The following ASCC3 variants were observed in gnomAD, a reference collection of about 807,000 sequenced individuals.
ASCC3 encodes the protein activating signal cointegrator 1 complex subunit 3, also known as ASC-1 complex subunit P200.
A neutral mutation model predicts 256.3 loss-of-function variants in ASCC3; 158 were observed. That is an observed-to-expected ratio of 0.62 (90% confidence interval 0.54 to 0.70). The LOEUF (loss-of-function observed/expected upper bound fraction) is 0.70, where lower values mean the gene tolerates loss of function less well. Among genes scored for constraint, ASCC3 ranks in the 30% least tolerant of loss-of-function variants. The probability of loss-of-function intolerance (pLI) is 0.00; values close to 1 mark genes in which losing one functional copy is unlikely to be tolerated. For synonymous variants in ASCC3, 948 were observed against 883.4 expected, an observed-to-expected ratio of 1.07 and a Z score of -1.30; for missense variants, 2,259 against 2,626.0, an observed-to-expected ratio of 0.86 and a Z score of 3.05.
At chr6:100,513,841 A>G (rs1188973927) in intron 39 of ASCC3, among the ~76,000 whole-genome samples, 3 of 152,168 alleles carry the variant, frequency 2.0e-5, no homozygotes, top group East Asian at 3.9e-4. Context: ...ACTTGAGGTC[A>G]TCTTTTTCTA....
At chr6:100,628,103 CA>C (rs199967544) in intron 27 of ASCC3, 116 bp from the exon 28 acceptor site, 300 of 935,596 alleles carry the variant, frequency 3.2e-4, no homozygotes, top group Middle Eastern at 4.8e-4. Context: ...AAAAAAAAAA[CA>C]AAAAAAAAGC....
At chr6:100,815,964 G>A (rs1225129918) in intron 4 of ASCC3, among the ~76,000 whole-genome samples, 2 of 151,630 alleles carry the variant, frequency 1.3e-5, no homozygotes, top group Non-Finnish European at 2.9e-5. Context: ...CTATCAACAG[G>A]GTAAACAGAT....
At chr6:100,629,973 C>A (rs970693793) in intron 26 of ASCC3, among the ~76,000 whole-genome samples, 1 of 152,014 alleles carries the variant, frequency 6.6e-6, no homozygotes, top group Non-Finnish European at 1.5e-5. Flanking sequence ...TCTCAGCTCA[C>A]TGCAACCTCC....
intron 4 of ASCC3, among the ~76,000 whole-genome samples, chr6:100,816,835 C>T (rs1342381141): frequency 1.3e-5 from 2 of 151,550 alleles, no homozygotes; most frequent in South Asian, 2.1e-4. Context: ...TGAAATAATC[C>T]GTACAACAAA....
intron 36 of ASCC3, among the ~76,000 whole-genome samples, chr6:100,550,188 T>A (rs1339654465): frequency 6.6e-6 from 1 of 151,928 alleles, no homozygotes; most frequent in Non-Finnish European, 1.5e-5. Context: ...TTATTCACAT[T>A]TTATGTTTCT....
At chr6:100,572,709 A>T (rs1371378998) in intron 36 of ASCC3, among the ~76,000 whole-genome samples, 2 of 152,128 alleles carry the variant, frequency 1.3e-5, no homozygotes, top group Admixed American at 6.6e-5. Flanking sequence ...ATTTACAAAA[A>T]TTTTTGTCCT....
At chr6:100,854,558 A>G (rs1210519565) in intron 3 of ASCC3, among the ~76,000 whole-genome samples, 1 of 152,230 alleles carries the variant, frequency 6.6e-6, no homozygotes, top group Admixed American at 6.5e-5. Flanking sequence ...GTAGTAGTAC[A>G]AAAGATTAAA....
rs118151585 is a variant in ASCC3 at position 100,758,838 on chromosome 6, A to G, written c.1737+7727T>C. 9.0e-3 allele frequency among the ~76,000 whole-genome samples: 1,376 copies of G among 152,262 alleles called. 12 individuals carry two copies. The highest frequency in any genetic ancestry group is 0.025 in the Admixed American group (385 of 15,284). On this transcript the variant is annotated intron_variant, in intron 10 of 41. Transcript: ENST00000369162. ...ATCATACTGTCTTCCACAATGGCTGAACTAATTTAATTCCCACCAACAGCG... is the reference window on the plus strand; with the variant it reads ...ATCATACTGTCTTCCACAATGGCTGGACTAATTTAATTCCCACCAACAGCG...
At chr6:100,816,224 G>A (rs1770738541) in intron 4 of ASCC3, among the ~76,000 whole-genome samples, 1 of 152,130 alleles carries the variant, frequency 6.6e-6, no homozygotes, top group South Asian at 2.1e-4. Context: ...TCTCACATCA[G>A]TCAGAATGGC....
chr6:100,543,900 T>C (rs1294458090), intron 36 of ASCC3, among the ~76,000 whole-genome samples: 1 of 152,156 alleles, frequency 6.6e-6, no homozygotes, highest in African/African-American at 2.4e-5. Flanking sequence ...AAGAGTTGAA[T>C]ATATTTATTC....
chr6:100,770,865 C>G (rs1368500464), intron 8 of ASCC3, among the ~76,000 whole-genome samples: 1 of 144,274 alleles, frequency 6.9e-6, no homozygotes, highest in Non-Finnish European at 1.5e-5. Flanking sequence ...TTTTCCCAAA[C>G]TCATCTACAG....
In ASCC3 at chr6:100,642,678, G is replaced by A. The variant is rs557810774; in HGVS notation, c.3804C>T (p.Tyr1268=). The A allele has an allele frequency of 9.3e-6, 15 of 1,613,758 alleles. No homozygotes were observed. Among genetic ancestry groups the A allele is most frequent in the Non-Finnish European group, 1.3e-5 (15 of 1,179,810 alleles). The change falls in exon 24 of 42, where the codon TAC becomes TAT. Residue 1268 remains tyrosine, a synonymous_variant. Coordinates refer to ENST00000369162, the MANE Select transcript of ASCC3 (RefSeq NM_006828.4). The part of the protein sequence containing the change: ...PIFEPLPSQY[Y]IRAVSDRWLG... ...ACCATCTATCAGACACTGCTCGGAT[G>A]TAGTATTGGGAAGGCAAAGGCTCAA...
chr6:100,585,928 C>T (rs564378509), intron 36 of ASCC3, among the ~76,000 whole-genome samples: 41 of 152,248 alleles, frequency 2.7e-4, no homozygotes, highest in African/African-American at 9.1e-4. Context: ...GCTGTCTGAT[C>T]TTTCTTCTGG....
chr6:100,809,393 A>C (rs1770350077), intron 4 of ASCC3, among the ~76,000 whole-genome samples: 1 of 152,006 alleles, frequency 6.6e-6, no homozygotes, highest in Non-Finnish European at 1.5e-5. Context: ...TGTTAATTAA[A>C]ACTTCACACA....
chr6:100,798,996 CAA>C (rs66480968), intron 7 of ASCC3, among the ~76,000 whole-genome samples, 158 bp from the exon 8 acceptor site: 83,229 of 151,666 alleles, frequency 0.55, 23,203 homozygotes, highest in South Asian at 0.75. Flanking sequence ...TTAAATAAAA[CAA>C]AAACAAATGC....
At chr6:100,736,082 A>C (rs1780144850) in intron 10 of ASCC3, among the ~76,000 whole-genome samples, 1 of 152,210 alleles carries the variant, frequency 6.6e-6, no homozygotes, top group African/African-American at 2.4e-5. Context: ...TGACACATGG[A>C]ACATACTCCA....
intron 4 of ASCC3, among the ~76,000 whole-genome samples, chr6:100,829,545 GC>G (rs1771514061): frequency 6.6e-6 from 1 of 152,026 alleles, no homozygotes; most frequent in African/African-American, 2.4e-5. Flanking sequence ...ACCGCGTGCA[GC>G]CCTGGTTCCC....
intron 36 of ASCC3, among the ~76,000 whole-genome samples, chr6:100,560,584 C>T (rs1769880849): frequency 6.6e-6 from 1 of 152,032 alleles, no homozygotes; most frequent in Non-Finnish European, 1.5e-5. Flanking sequence ...CCCTCTCAGT[C>T]CACTAGAAAA....
chr6:100,765,931 T>C (rs772562269), intron 10 of ASCC3, among the ~76,000 whole-genome samples: 8 of 152,318 alleles, frequency 5.3e-5, no homozygotes, highest in Non-Finnish European at 8.8e-5. Context: ...TCCACTATTT[T>C]ATTTTTTTAA....
Sources: gnomAD v4.1 joint callset for allele counts (sites outside exome capture counted in the v4.1 genomes callset) on GRCh38, gnomAD v4.1.1 for gene constraint, MANE v1.5 for transcripts, NCBI Gene and HGNC (gene_info 2026-07-23, HGNC 2026-07-21) for gene names.